SCP2: variants seen among roughly 807,000 people sequenced by gnomAD.
The protein encoded by SCP2 is SCP-2/3-oxoacyl-CoA thiolase.
SCP2 carries 48 observed loss-of-function variants against 71.4 expected under a neutral mutation model. That is an observed-to-expected ratio of 0.67 (90% CI 0.53 to 0.86). SCP2 has a LOEUF of 0.86. SCP2 is among the 40% of genes least tolerant of loss of function. The probability of loss-of-function intolerance (pLI) is 0.00; values close to 1 mark genes in which losing one functional copy is unlikely to be tolerated. For missense variants in SCP2, 560 were observed against 655.6 expected, an observed-to-expected ratio of 0.85 and a Z score of 1.59; for synonymous variants, 220 against 218.1, an observed-to-expected ratio of 1.01 and a Z score of -0.08.
intron 15 of SCP2, chr1:53,049,736 T>G (rs1664078929): frequency 1.3e-5 from 2 of 152,196 alleles, no homozygotes; most frequent in Non-Finnish European, 2.9e-5. Context: ...AATATTTAGT[T>G]TGTCCAGACA....
chr1:53,029,930 C>T (rs1662411873), intron 13 of SCP2, among the ~76,000 whole-genome samples: 1 of 152,008 alleles, frequency 6.6e-6, no homozygotes, highest in African/African-American at 2.4e-5. Context: ...GCTCTGTCAC[C>T]CAGGCTGGAG....
chr1:52,968,529 T>G (rs889345892), intron 6 of SCP2, among the ~76,000 whole-genome samples: 1 of 152,222 alleles, frequency 6.6e-6, no homozygotes, highest in Admixed American at 6.5e-5. Context: ...TAATTTACTC[T>G]TTTAAAGTGT....
chr1:53,045,431 T>C (rs1172499379), intron 14 of SCP2, among the ~76,000 whole-genome samples: 1 of 152,226 alleles, frequency 6.6e-6, no homozygotes, highest in Non-Finnish European at 1.5e-5. Flanking sequence ...CCAGAATTTA[T>C]TCCTTGTGCA....
rs1318253206 is a variant in SCP2 at position 52,969,030 on chromosome 1, CTCT to C, written c.524-5730_524-5728del. ...ATCTTAAAGATCTTCATCCTTGTTG[CTCT>C]TCTTCTTCATCATTTTCTTGTTGAG... On this transcript the variant is annotated intron_variant, in intron 6 of 15. Transcript: ENST00000371514. Among the ~76,000 whole-genome samples the C allele has an allele frequency of 2.6e-5, 4 of 151,720 alleles. No homozygotes were observed. The East Asian group carries it at 5.8e-4, about 22-fold the overall frequency.
chr1:52,974,338 T>G (rs1657757853), intron 6 of SCP2, among the ~76,000 whole-genome samples: 1 of 152,188 alleles, frequency 6.6e-6, no homozygotes, highest in South Asian at 2.1e-4. Flanking sequence ...CTTTTCTGTT[T>G]TATCATAAGG....
chr1:53,007,082 T>C (rs1660686113), intron 11 of SCP2, among the ~76,000 whole-genome samples: 1 of 152,214 alleles, frequency 6.6e-6, no homozygotes, highest in Admixed American at 6.5e-5. Flanking sequence ...AAGAGATAAC[T>C]ATCCTAAATA....
intron 12 of SCP2, among the ~76,000 whole-genome samples, chr1:53,024,826 C>A (rs957105767): frequency 2.6e-5 from 4 of 151,952 alleles, no homozygotes; most frequent in Non-Finnish European, 5.9e-5. Flanking sequence ...CCTGCCTCGG[C>A]GTCCCAAAGT....
intron 12 of SCP2, among the ~76,000 whole-genome samples, chr1:53,026,736 A>T (rs1466190806): frequency 1.3e-5 from 2 of 152,062 alleles, no homozygotes; most frequent in East Asian, 3.9e-4. Flanking sequence ...TGAGACCAGG[A>T]GTTCGAGGTT....
chr1:53,029,066 G>A (rs72903149), intron 13 of SCP2, among the ~76,000 whole-genome samples: 2 of 151,994 alleles, frequency 1.3e-5, no homozygotes, highest in African/African-American at 4.8e-5. Context: ...GTGAGCCACC[G>A]TGCCCACCAC....
At chr1:52,961,668 T>C (rs1399138383) in intron 6 of SCP2, 39 bp downstream of exon 6, 1 of 1,550,546 alleles carries the variant, frequency 6.4e-7, no homozygotes, top group Admixed American at 1.7e-5. Context: ...TTCTTACTAG[T>C]TATATACATG....
intron 12 of SCP2, among the ~76,000 whole-genome samples, chr1:53,026,433 G>C (rs1662135389): frequency 6.6e-6 from 1 of 152,318 alleles, no homozygotes; most frequent in Non-Finnish European, 1.5e-5. Context: ...TGAGTGCAAG[G>C]ACTGGGTCTG....
chr1:53,027,245 G>A (rs6698146), intron 12 of SCP2, among the ~76,000 whole-genome samples: 20,845 of 152,040 alleles, frequency 0.14, 2,039 homozygotes, highest in East Asian at 0.32. Flanking sequence ...TATAGAGACG[G>A]GGTTTCAACA....
At chr1:52,935,878 C>T (rs913495741) in intron 1 of SCP2, among the ~76,000 whole-genome samples, 1 of 151,990 alleles carries the variant, frequency 6.6e-6, no homozygotes, top group Non-Finnish European at 1.5e-5. Context: ...TTTGAGGCTG[C>T]AGGGAGCTAT....
At chr1:53,012,018 A>G (rs916469510) in intron 11 of SCP2, among the ~76,000 whole-genome samples, 2 of 152,188 alleles carry the variant, frequency 1.3e-5, no homozygotes, top group African/African-American at 2.4e-5. Context: ...CGTAGAAACT[A>G]GAATCCCTCT....
rs1168336806 is a variant in SCP2 at position 52,935,990 on chromosome 1, A to G, written c.70-5806A>G. Reference sequence around the variant, plus strand: ...CAATACTCTTCCCTTTTCCAACTACATGTCTGTGTTAGGTCACATGATGTA... The same window carrying G: ...CAATACTCTTCCCTTTTCCAACTACGTGTCTGTGTTAGGTCACATGATGTA... On this transcript the variant is annotated intron_variant, in intron 1 of 15. Transcript: ENST00000371514. 4.6e-5 allele frequency among the ~76,000 whole-genome samples: 7 copies of G among 152,136 alleles called. No individual in the cohort carries two copies. The East Asian group carries it at 1.3e-3, about 29-fold the overall frequency.
At chr1:52,970,673 T>G (rs1657386052) in intron 6 of SCP2, among the ~76,000 whole-genome samples, 1 of 151,772 alleles carries the variant, frequency 6.6e-6, no homozygotes, top group African/African-American at 2.4e-5. Context: ...GGGGAGGAGG[T>G]CTTTCTTTTC....
In SCP2 at chr1:52,949,085, T is replaced by A. The variant is rs12239334; in HGVS notation, c.199+1005T>A. On this transcript the variant is annotated intron_variant, in intron 3 of 15. Transcript: ENST00000371514. ...AGTAGTAATGATATTTTCTAATTTCTAGTTGTTATAAAAATTCTATGAATA... is the reference window on the plus strand; with the variant it reads ...AGTAGTAATGATATTTTCTAATTTCAAGTTGTTATAAAAATTCTATGAATA... Among the ~76,000 whole-genome samples the A allele has an allele frequency of 6.9e-3, 1,055 of 152,304 alleles. 7 individuals carry two copies. The highest frequency in any genetic ancestry group is 0.024 in the African/African-American group (984 of 41,576).
At chr1:53,010,287 C>G (rs1236902149) in intron 11 of SCP2, among the ~76,000 whole-genome samples, 1 of 152,078 alleles carries the variant, frequency 6.6e-6, no homozygotes, top group African/African-American at 2.4e-5. Flanking sequence ...GGTATATACC[C>G]AAAGGATTAT....
At chr1:52,951,243 C>T (rs1655270367) in intron 4 of SCP2, among the ~76,000 whole-genome samples, 1 of 151,898 alleles carries the variant, frequency 6.6e-6, no homozygotes, top group Non-Finnish European at 1.5e-5. Context: ...GATGGCACCA[C>T]TGCACTCCAG....
Sources: gnomAD v4.1 joint callset for allele counts (sites outside exome capture counted in the v4.1 genomes callset) on GRCh38, gnomAD v4.1.1 for gene constraint, MANE v1.5 for transcripts, NCBI Gene and HGNC (gene_info 2026-07-23, HGNC 2026-07-21) for gene names.